The following GREM2 variants were observed in gnomAD, a reference collection of about 807,000 sequenced individuals.
The protein encoded by GREM2 is gremlin 2, DAN family BMP antagonist, also known as gremlin-2.
Under a neutral mutation model 14.2 loss-of-function variants are expected in GREM2, and 11 were observed. That is an observed-to-expected ratio of 0.78 (90% CI 0.49 to 1.28). The LOEUF (loss-of-function observed/expected upper bound fraction) is 1.28. GREM2 is among the 50% of genes most tolerant of loss of function. The pLI, the probability that GREM2 is intolerant of heterozygous loss-of-function variation, is 0.00. For missense variants in GREM2, 210 were observed against 218.5 expected (o/e 0.96, Z 0.24); for synonymous variants, 98 against 97.6 (o/e 1.00, Z -0.02).
At chr1:240,587,458 G>A (rs1011617947) in intron 1 of GREM2, among the ~76,000 whole-genome samples, 8 of 151,652 alleles carry the variant, frequency 5.3e-5, no homozygotes, top group East Asian at 3.9e-4. Context: ...CGTAGCTGAG[G>A]CTACAAGCAT....
intron 1 of GREM2, among the ~76,000 whole-genome samples, chr1:240,516,863 G>A (rs560035085): frequency 2.6e-5 from 4 of 152,176 alleles, no homozygotes; most frequent in East Asian, 3.9e-4. Flanking sequence ...GATGTAACAC[G>A]TATTGGAAGA....
At chr1:240,559,047 C>G (rs959282119) in intron 1 of GREM2, among the ~76,000 whole-genome samples, 2 of 151,970 alleles carry the variant, frequency 1.3e-5, no homozygotes, top group Non-Finnish European at 2.9e-5. Flanking sequence ...TCCCTTTCTA[C>G]GTAATTATTG....
At chr1:240,572,774 T>C (rs367724378) in intron 1 of GREM2, among the ~76,000 whole-genome samples, 7 of 152,318 alleles carry the variant, frequency 4.6e-5, no homozygotes, top group African/African-American at 1.7e-4. Flanking sequence ...CTGAAGTAGC[T>C]AGTGGTTGAA....
chr1:240,524,489 A>G (rs533058045), intron 1 of GREM2, among the ~76,000 whole-genome samples: 1 of 152,344 alleles, frequency 6.6e-6, no homozygotes, highest in East Asian at 1.9e-4. Context: ...GGCATTTTGA[A>G]TAAGTGCAGA....
At chr1:240,558,557 T>C (rs1036655852) in intron 1 of GREM2, among the ~76,000 whole-genome samples, 2 of 152,136 alleles carry the variant, frequency 1.3e-5, no homozygotes, top group Non-Finnish European at 2.9e-5. Flanking sequence ...TTCTGAGTAA[T>C]AGCTGCACCC....
chr1:240,597,646 A>T (rs541626888), intron 1 of GREM2, among the ~76,000 whole-genome samples: 1 of 152,182 alleles, frequency 6.6e-6, no homozygotes, highest in Non-Finnish European at 1.5e-5. Context: ...GCTTTTTTAT[A>T]TTCCCAATGC....
chr1:240,503,911 T>C (rs1272569703), intron 1 of GREM2, among the ~76,000 whole-genome samples: 2 of 152,224 alleles, frequency 1.3e-5, no homozygotes, highest in African/African-American at 2.4e-5. Flanking sequence ...TAATCTTTGT[T>C]TCCACAGTCA....
rs559570507 is a variant in GREM2 at position 240,580,825 on chromosome 1, G to A, written c.-2+31059C>T. The stretch of plus-strand genomic sequence containing the variant: ...TCACCTCAAGCAGTCCTCCTGCCTT[G>A]GACTCCCCAGGTGCTGGGATTACAG... On this transcript the variant is annotated intron_variant, in intron 1 of 1. Coordinates refer to ENST00000318160, the MANE Select transcript of GREM2 (RefSeq NM_022469.4). Among the ~76,000 whole-genome samples the A allele has an allele frequency of 6.6e-5, 10 of 152,268 alleles. No individual in the cohort carries two copies. In the South Asian group the frequency reaches 1.9e-3, roughly 28 times the overall value.
chr1:240,591,069 CAT>C (rs1424133398), intron 1 of GREM2, among the ~76,000 whole-genome samples: 3 of 151,686 alleles, frequency 2.0e-5, no homozygotes, highest in East Asian at 1.9e-4. Flanking sequence ...CGTGAGCCAC[CAT>C]GCCCAGCCAG....
chr1:240,609,458 A>C (rs1464354627), intron 1 of GREM2, among the ~76,000 whole-genome samples: 1 of 151,988 alleles, frequency 6.6e-6, no homozygotes, highest in Non-Finnish European at 1.5e-5. Context: ...AAACAAAAGA[A>C]CTATCAAGAA....
chr1:240,572,542 C>T (rs1679280262), intron 1 of GREM2, among the ~76,000 whole-genome samples: 1 of 152,162 alleles, frequency 6.6e-6, no homozygotes, highest in African/African-American at 2.4e-5. Context: ...AGAGGGAAAA[C>T]ACTCCCTGTA....
At chr1:240,578,340 G>A (rs1205703871) in intron 1 of GREM2, among the ~76,000 whole-genome samples, 1 of 151,938 alleles carries the variant, frequency 6.6e-6, no homozygotes, top group Non-Finnish European at 1.5e-5. Flanking sequence ...TGGCCAGGCT[G>A]GTCTTGAACT....
chr1:240,499,500 C>A (rs576888691), intron 1 of GREM2, among the ~76,000 whole-genome samples: 11 of 152,320 alleles, frequency 7.2e-5, no homozygotes, highest in African/African-American at 2.6e-4. Context: ...AAACTCCCAA[C>A]AAGATTACAC....
intron 1 of GREM2, among the ~76,000 whole-genome samples, chr1:240,535,932 G>A (rs143579774): frequency 6.6e-6 from 1 of 152,170 alleles, no homozygotes; most frequent in South Asian, 2.1e-4. Flanking sequence ...AGTAGGGAAT[G>A]AGCCAGTGTC....
chr1:240,501,159 A>G (rs1335551877), intron 1 of GREM2, among the ~76,000 whole-genome samples: 1 of 152,190 alleles, frequency 6.6e-6, no homozygotes, highest in Non-Finnish European at 1.5e-5. Flanking sequence ...ACTTACCCGA[A>G]GTGAGAGAAA....
chr1:240,580,054 G>A (rs1055017329), intron 1 of GREM2, among the ~76,000 whole-genome samples: 5 of 152,002 alleles, frequency 3.3e-5, no homozygotes, highest in African/African-American at 2.4e-5. Context: ...TTTAGACTCC[G>A]CTTCTGGATG....
chr1:240,578,133 A>T lies in GREM2; in HGVS notation c.-2+33751T>A, dbSNP rs985798635. Among the ~76,000 whole-genome samples, 12 of 152,126 alleles carry T rather than the reference A, an allele frequency of 7.9e-5. No individual in the cohort carries two copies. The East Asian group carries it at 1.4e-3, about 17-fold the overall frequency. On this transcript the variant is annotated intron_variant, in intron 1 of 1. Coordinates refer to ENST00000318160, the MANE Select transcript of GREM2 (RefSeq NM_022469.4). ...CTGCCTTTGTAAGATCAAATTTTTT[A>T]AAATTTTTTTGAGACTGAGTCTCAC...
chr1:240,596,732 C>T (rs1372401191), intron 1 of GREM2, among the ~76,000 whole-genome samples: 2 of 151,590 alleles, frequency 1.3e-5, no homozygotes, highest in Non-Finnish European at 2.9e-5. Context: ...CAATCTATTT[C>T]TAATGCCATC....
chr1:240,565,285 C>A (rs191738817), intron 1 of GREM2, among the ~76,000 whole-genome samples: 1 of 152,060 alleles, frequency 6.6e-6, no homozygotes, highest in African/African-American at 2.4e-5. Context: ...AATGTCATAT[C>A]TTCACTTATG....
Sources: allele counts gnomAD v4.1 joint callset (sites outside exome capture counted in the v4.1 genomes callset), GRCh38; gene constraint gnomAD v4.1.1; transcripts MANE v1.5; gene names NCBI Gene and HGNC (gene_info 2026-07-23, HGNC 2026-07-21).